Variants in HAPLN1 observed in about 807,000 individuals in gnomAD.
HAPLN1 encodes the protein Cartilage link protein.
Under a neutral mutation model 36.5 loss-of-function variants are expected in HAPLN1, and 13 were observed. The ratio of observed to expected loss-of-function variants is 0.36; its 90% CI spans 0.23 to 0.57. HAPLN1 has a LOEUF of 0.57. HAPLN1 is among the 20% of genes least tolerant of loss of function. HAPLN1 has a pLI of 0.83. For missense variants in HAPLN1, 407 were observed against 439.7 expected, an observed-to-expected ratio of 0.93 and a Z score of 0.66; for synonymous variants, 202 against 169.8, an observed-to-expected ratio of 1.19 and a Z score of -1.48.
At chr5:83,719,254 A>G (rs1751975133) in intron 1 of HAPLN1, among the ~76,000 whole-genome samples, 1 of 152,218 alleles carries the variant, frequency 6.6e-6, no homozygotes, top group South Asian at 2.1e-4. Flanking sequence ...TGTTTCTCAT[A>G]GAAAGCCCAG....
chr5:83,697,724 G>T (rs1053209703), intron 1 of HAPLN1, among the ~76,000 whole-genome samples: 1 of 151,984 alleles, frequency 6.6e-6, no homozygotes, highest in East Asian at 1.9e-4. Flanking sequence ...TTTCATTATA[G>T]CCATCCTAGT....
chr5:83,655,665 G>A (rs1451171426), intron 2 of HAPLN1, among the ~76,000 whole-genome samples: 1 of 152,040 alleles, frequency 6.6e-6, no homozygotes, highest in Non-Finnish European at 1.5e-5. Context: ...ACATGGCCTT[G>A]AGAATAATGT....
intron 1 of HAPLN1, among the ~76,000 whole-genome samples, chr5:83,712,249 C>T (rs946221138): frequency 6.6e-6 from 1 of 152,040 alleles, no homozygotes; most frequent in Non-Finnish European, 1.5e-5. Context: ...TTCAGGTATT[C>T]TGCAGTTAGA....
In HAPLN1 at chr5:83,641,622, G is replaced by C; in HGVS notation, c.939C>G (p.Ser313Arg). The C allele has an allele frequency of 6.2e-7, 1 of 1,614,146 alleles. No homozygotes were observed. Among genetic ancestry groups the C allele is most frequent in the Non-Finnish European group, 8.5e-7 (1 of 1,180,034 alleles). ...RCDAGWLADG[S>R]VRYPISRPRR... ...TTGGCCTAGAGATGGGGTAGCGGAC[G>C]CTGCCATCCGCCAACCAGCCCGCAT... Residue 313 changes from serine to arginine, a missense_variant, in exon 5 of 5, where the codon AGC (serine) becomes AGG (arginine). Coordinates refer to ENST00000274341, the MANE Select transcript of HAPLN1 (RefSeq NM_001884.4).
At chr5:83,707,233 T>C (rs1751674221) in intron 1 of HAPLN1, among the ~76,000 whole-genome samples, 1 of 152,168 alleles carries the variant, frequency 6.6e-6, no homozygotes, top group Non-Finnish European at 1.5e-5. Context: ...GAAAACACTA[T>C]TTTAAAATTC....
intron 1 of HAPLN1, among the ~76,000 whole-genome samples, chr5:83,717,176 T>G (rs1393010446): frequency 6.6e-6 from 1 of 152,236 alleles, no homozygotes; most frequent in Non-Finnish European, 1.5e-5. Flanking sequence ...AATGAAATTA[T>G]TAACAGAATG....
At chr5:83,691,508 C>T (rs1751272887) in intron 1 of HAPLN1, among the ~76,000 whole-genome samples, 1 of 151,960 alleles carries the variant, frequency 6.6e-6, no homozygotes, top group Non-Finnish European at 1.5e-5. Context: ...TCTTTACTCG[C>T]TAGTGGAGGG....
intron 2 of HAPLN1, among the ~76,000 whole-genome samples, chr5:83,661,792 T>C (rs998837156): frequency 6.6e-6 from 1 of 152,088 alleles, no homozygotes; most frequent in African/African-American, 2.4e-5. Flanking sequence ...CTCTTAGTGA[T>C]TTTATTTCTT....
At chr5:83,710,630 A>G (rs368824835) in intron 1 of HAPLN1, among the ~76,000 whole-genome samples, 20 of 152,190 alleles carry the variant, frequency 1.3e-4, no homozygotes, top group African/African-American at 4.6e-4. Flanking sequence ...TTTAAGATAA[A>G]GAAGATTTGA....
At chr5:83,646,091 C>T (rs1749867859) in intron 3 of HAPLN1, among the ~76,000 whole-genome samples, 1 of 152,106 alleles carries the variant, frequency 6.6e-6, no homozygotes, top group South Asian at 2.1e-4. Flanking sequence ...GGGAGGTGAC[C>T]AAGCTGTCTC....
chr5:83,706,513 T>C, intron 1 of HAPLN1, among the ~76,000 whole-genome samples: 1 of 152,132 alleles, frequency 6.6e-6, no homozygotes. Flanking sequence ...AGAAAAGGCT[T>C]TCAATAAATT....
At chr5:83,659,143 G>A (rs1226532063) in intron 2 of HAPLN1, among the ~76,000 whole-genome samples, 1 of 152,020 alleles carries the variant, frequency 6.6e-6, no homozygotes, top group East Asian at 1.9e-4. Context: ...GCATGGTGGT[G>A]CACACCTGTA....
chr5:83,652,355 C>A lies in HAPLN1; in HGVS notation c.472+98G>T, dbSNP rs564985496. ...GCCAGGCAAGGACTTTGGTTTTTCA[C>A]TTTATTACTGTGTTAACCACTAGAC... On this transcript the variant is annotated intron_variant, in intron 3 of 4. Coordinates refer to ENST00000274341, the MANE Select transcript of HAPLN1 (RefSeq NM_001884.4). The A allele has an allele frequency of 1.0e-5, 13 of 1,287,236 alleles. No individual in the cohort carries two copies. The African/African-American group carries it at 1.8e-4, about 18-fold the overall frequency. 79.7% of individuals were successfully genotyped at this position (1,287,236 alleles called of 1,614,324 possible).
At chr5:83,685,378 C>A (rs527521337) in intron 1 of HAPLN1, among the ~76,000 whole-genome samples, 1 of 152,290 alleles carries the variant, frequency 6.6e-6, no homozygotes, top group African/African-American at 2.4e-5. Flanking sequence ...ATACAACCTG[C>A]ACAACCGTAT....
At chr5:83,696,502 T>A (rs1430621144) in intron 1 of HAPLN1, among the ~76,000 whole-genome samples, 1 of 152,158 alleles carries the variant, frequency 6.6e-6, no homozygotes, top group African/African-American at 2.4e-5. Context: ...CAAAGAGTTG[T>A]GCTACCTGAC....
chr5:83,653,088 T>C (rs1306940872), intron 2 of HAPLN1, among the ~76,000 whole-genome samples: 1 of 152,168 alleles, frequency 6.6e-6, no homozygotes, highest in Non-Finnish European at 1.5e-5. Flanking sequence ...TCCATAGTCA[T>C]CTGAAGGTCA....
At chr5:83,687,890 C>T (rs1460413206) in intron 1 of HAPLN1, among the ~76,000 whole-genome samples, 4 of 152,126 alleles carry the variant, frequency 2.6e-5, no homozygotes, top group Non-Finnish European at 4.4e-5. Context: ...TGTACTGAAA[C>T]ATCAAAAGGC....
intron 2 of HAPLN1, among the ~76,000 whole-genome samples, chr5:83,655,346 C>A (rs571993612): frequency 6.6e-6 from 1 of 152,076 alleles, no homozygotes; most frequent in Non-Finnish European, 1.5e-5. Context: ...GTGTAGGTTT[C>A]TGATTTTGTT....
chr5:83,661,996 GTAACC>G (rs1160646920), intron 2 of HAPLN1, among the ~76,000 whole-genome samples: 1 of 152,176 alleles, frequency 6.6e-6, no homozygotes, highest in Non-Finnish European at 1.5e-5. Flanking sequence ...GACAAGCTAT[GTAACC>G]TTTCTCAATT....
Sources: allele counts gnomAD v4.1 joint callset (sites outside exome capture counted in the v4.1 genomes callset), GRCh38; gene constraint gnomAD v4.1.1; transcripts MANE v1.5; gene names NCBI Gene and HGNC (gene_info 2026-07-23, HGNC 2026-07-21).